Variants in PTPN9 observed in about 807,000 individuals in gnomAD.
PTPN9 encodes protein tyrosine phosphatase non-receptor type 9.
PTPN9 carries 26 observed loss-of-function variants against 69.8 expected under a neutral mutation model. The observed-to-expected ratio is 0.37, with a 90% CI of 0.27 to 0.52. The LOEUF (loss-of-function observed/expected upper bound fraction) is 0.52, where lower values mean the gene tolerates loss of function less well. PTPN9 is among the 20% of genes least tolerant of loss of function. The probability of loss-of-function intolerance (pLI) is 0.91; values close to 1 mark genes in which losing one functional copy is unlikely to be tolerated. For synonymous variants in PTPN9, 274 were observed against 272.5 expected, an observed-to-expected ratio of 1.01 and a Z score of -0.05; for missense variants, 549 against 740.3, an observed-to-expected ratio of 0.74 and a Z score of 3.00.
At position 75,505,961 on chromosome 15, in the gene PTPN9, T is replaced by C; in HGVS notation, c.682A>G (p.Arg228Gly). The C allele has an allele frequency of 6.2e-7, 1 of 1,614,038 alleles. No homozygotes were observed. Among genetic ancestry groups the C allele is most frequent in the Non-Finnish European group, 8.5e-7 (1 of 1,179,910 alleles). ...KTSEVTQHLP[R>G]ECLPENLGGY... ...CCCAGGTTTTCTGGAAGACACTCCC[T>C]GGGCAGATGCTGCGTGACCTCAGAT... The change falls in exon 7 of 13, where the codon AGG (arginine) becomes GGG (glycine). Residue 228 changes from arginine to glycine, a missense_variant. Arg to Gly is a moderately radical substitution (Grantham distance 125). Transcript: ENST00000618819.
intron 1 of PTPN9, among the ~76,000 whole-genome samples, chr15:75,558,566 CCTCT>C (rs1027452703): frequency 1.3e-5 from 2 of 152,126 alleles, no homozygotes; most frequent in African/African-American, 4.8e-5. Flanking sequence ...CCACGGTCTC[CCTCT>C]GACGCCGAGC....
intron 1 of PTPN9, among the ~76,000 whole-genome samples, chr15:75,566,019 A>G (rs887955356): frequency 2.6e-5 from 4 of 152,222 alleles, no homozygotes; most frequent in Non-Finnish European, 5.9e-5. Context: ...TATCTGAAAA[A>G]GAAAAGTTTC....
At chr15:75,566,916 G>C (rs1286078509) in intron 1 of PTPN9, among the ~76,000 whole-genome samples, 1 of 152,138 alleles carries the variant, frequency 6.6e-6, no homozygotes, top group African/African-American at 2.4e-5. Context: ...CTTGAGCCTG[G>C]GAGGTCAAGG....
At chr15:75,538,399 A>T (rs140246030) in intron 1 of PTPN9, among the ~76,000 whole-genome samples, 236 of 152,236 alleles carry the variant, frequency 1.6e-3, no homozygotes, top group African/African-American at 5.4e-3. Flanking sequence ...CCTGATGCAA[A>T]AAGACAGGAA....
intron 1 of PTPN9, among the ~76,000 whole-genome samples, chr15:75,528,853 A>C (rs2074942576): frequency 6.6e-6 from 1 of 152,028 alleles, no homozygotes; most frequent in African/African-American, 2.4e-5. Context: ...GGTGCACACC[A>C]CCATGCCTGG....
intron 8 of PTPN9, among the ~76,000 whole-genome samples, chr15:75,488,397 C>A (rs1464139114): frequency 6.6e-6 from 1 of 150,904 alleles, no homozygotes. Context: ...GAGATATCAC[C>A]TAATAAAATT....
Position 75,508,957 on chromosome 15 carries a change from G to A in PTPN9, c.599C>T (p.Ser200Phe). 1 of 1,614,076 alleles carries A rather than the reference G, an allele frequency of 6.2e-7. No individual in the cohort carries two copies. Among genetic ancestry groups the A allele is most frequent in the Non-Finnish European group, 8.5e-7 (1 of 1,179,972 alleles). ...GAPIWFRVPY[S>F]IISLLLKDKV... ...GTCCTTCAGGAGGAGACTGATGATG[G>A]AATAGGGCACTCGGAACCATATGGG... Residue 200 changes from serine (S) to phenylalanine (F), a missense_variant, in exon 6 of 13, where the codon TCC (serine) becomes TTC (phenylalanine). Ser to Phe is a radical substitution (Grantham distance 155, BLOSUM62 -2). Transcript: ENST00000618819.
chr15:75,516,766 GAC>G (rs1248016605), intron 5 of PTPN9, among the ~76,000 whole-genome samples: 31 of 100,260 alleles, frequency 3.1e-4, no homozygotes, highest in Non-Finnish European at 4.5e-4. Context: ...TTTTTTTTGA[GAC>G]ACAGTCTCGC....
At chr15:75,484,080 G>T (rs1004154375) in intron 8 of PTPN9, among the ~76,000 whole-genome samples, 2 of 152,082 alleles carry the variant, frequency 1.3e-5, no homozygotes, top group African/African-American at 4.8e-5. Context: ...AGTTATTTTT[G>T]TCTTAAGTTT....
intron 1 of PTPN9, among the ~76,000 whole-genome samples, chr15:75,568,507 C>CAAAAAA (rs1206871976): frequency 1.8e-5 from 1 of 56,260 alleles, no homozygotes; most frequent in Admixed American, 2.1e-4. Flanking sequence ...GACCTTGTCT[C>CAAAAAA]AAAAAAAAAA....
intron 9 of PTPN9, among the ~76,000 whole-genome samples, chr15:75,477,410 C>T (rs1394275463): frequency 6.6e-6 from 1 of 152,042 alleles, no homozygotes; most frequent in Non-Finnish European, 1.5e-5. Flanking sequence ...GCCTAGGCAA[C>T]ATGGTGAAAC....
At chr15:75,548,402 C>T (rs2075043250) in intron 1 of PTPN9, among the ~76,000 whole-genome samples, 1 of 151,038 alleles carries the variant, frequency 6.6e-6, no homozygotes, top group Admixed American at 6.6e-5. Context: ...ATTACAGGCG[C>T]CCACCACCAT....
intron 1 of PTPN9, among the ~76,000 whole-genome samples, chr15:75,552,121 G>A (rs527533622): frequency 1.4e-4 from 22 of 151,960 alleles, no homozygotes; most frequent in African/African-American, 5.1e-4. Flanking sequence ...AAGCACTGCC[G>A]GGCACGGCGG....
intron 1 of PTPN9, among the ~76,000 whole-genome samples, chr15:75,541,364 T>A (rs2075007870): frequency 6.6e-6 from 1 of 151,724 alleles, no homozygotes; most frequent in South Asian, 2.1e-4. Flanking sequence ...ATTACAGGCA[T>A]GATCCACCAC....
At chr15:75,578,448 T>C (rs1383572445) in intron 1 of PTPN9, among the ~76,000 whole-genome samples, 13 of 151,978 alleles carry the variant, frequency 8.6e-5, no homozygotes, top group South Asian at 2.1e-4. Flanking sequence ...GCCCCTGGAA[T>C]AGGGGGTGGG....
intron 5 of PTPN9, among the ~76,000 whole-genome samples, chr15:75,509,323 C>T (rs752784471): frequency 1.6e-4 from 24 of 152,226 alleles, no homozygotes; most frequent in Non-Finnish European, 3.4e-4. Flanking sequence ...CATCAGCATA[C>T]ATATATGCCT....
intron 2 of PTPN9, among the ~76,000 whole-genome samples, chr15:75,526,812 T>C (rs1327257638): frequency 6.6e-6 from 1 of 152,140 alleles, no homozygotes; most frequent in Non-Finnish European, 1.5e-5. Context: ...TGAAAAGAGC[T>C]AGGATTAAAA....
At chr15:75,575,256 AGCC>A in intron 1 of PTPN9, among the ~76,000 whole-genome samples, 1 of 146,378 alleles carries the variant, frequency 6.8e-6, no homozygotes, top group Admixed American at 6.9e-5. Flanking sequence ...TACAGGCGTG[AGCC>A]ACCGCGCCCG....
At chr15:75,578,443 T>C (rs1370013146) in intron 1 of PTPN9, among the ~76,000 whole-genome samples, 2 of 152,000 alleles carry the variant, frequency 1.3e-5, no homozygotes, top group Non-Finnish European at 2.9e-5. Context: ...ACTTTGCCCC[T>C]GGAATAGGGG....
Sources: allele counts gnomAD v4.1 joint callset (sites outside exome capture counted in the v4.1 genomes callset), GRCh38; gene constraint gnomAD v4.1.1; transcripts MANE v1.5; gene names NCBI Gene and HGNC (gene_info 2026-07-23, HGNC 2026-07-21).